Variants in PCLO observed in about 807,000 individuals in gnomAD.
PCLO encodes the protein protein piccolo.
A neutral mutation model predicts 427.5 loss-of-function variants in PCLO; 82 were observed. That is an observed-to-expected ratio of 0.19 (90% CI 0.16 to 0.23). The LOEUF is 0.23. Ranked by LOEUF, PCLO falls within the 10% of genes least tolerant of loss-of-function variation. The pLI, the probability that PCLO is intolerant of heterozygous loss-of-function variation, is 1.00. For missense variants in PCLO, 6,239 were observed against 6,115.9 expected, an observed-to-expected ratio of 1.02 and a Z score of -0.67; for synonymous variants, 2,357 against 2,155.4, an observed-to-expected ratio of 1.09 and a Z score of -2.59.
intron 20 of PCLO, chr7:82,820,941 T>G: frequency 1.2e-5 from 15 of 1,229,486 alleles, no homozygotes; most frequent in Non-Finnish European, 1.5e-5. Context: ...ATTACGGGAC[T>G]GATCTTGGGA....
At chr7:83,118,692 G>A (rs1285445257) in intron 3 of PCLO, among the ~76,000 whole-genome samples, 1 of 152,166 alleles carries the variant, frequency 6.6e-6, no homozygotes, top group Non-Finnish European at 1.5e-5. Context: ...TACTCCAGCA[G>A]TAGGAACTTG....
At chr7:83,107,488 A>G (rs1329729973) in intron 3 of PCLO, among the ~76,000 whole-genome samples, 1 of 97,892 alleles carries the variant, frequency 1.0e-5, no homozygotes, top group Non-Finnish European at 1.9e-5. Flanking sequence ...CAAAATATCT[A>G]TTGTCAATTA....
Position 82,856,905 on chromosome 7 carries a change from C to T in PCLO, c.13655-9658G>A, listed in dbSNP as rs150705650. Among the ~76,000 whole-genome samples the T allele has an allele frequency of 4.0e-4, 61 of 152,054 alleles. No homozygotes were observed. In the East Asian group the frequency reaches 0.01, roughly 26 times the overall value. ...CCAAGCCCTAATGGATGGATTAATG[C>T]CATTATTTCAGGAGTGGGTTAGTTA... On this transcript the variant is annotated intron_variant, in intron 10 of 24. Coordinates refer to ENST00000333891, the MANE Select transcript of PCLO (RefSeq NM_033026.6).
chr7:82,944,376 T>G (rs1197963439), intron 6 of PCLO, among the ~76,000 whole-genome samples: 2 of 152,034 alleles, frequency 1.3e-5, no homozygotes, highest in African/African-American at 4.8e-5. Flanking sequence ...CAGGTATCTT[T>G]CTGGACACTG....
At position 83,155,312 on chromosome 7, in the gene PCLO, C is replaced by G. The variant is rs1792251799; in HGVS notation, c.1329G>C (p.Gln443His). 1.9e-6 allele frequency: 3 copies of G among 1,613,848 alleles called. No individual in the cohort carries two copies. The highest frequency in any genetic ancestry group is 2.7e-5 in the African/African-American group (2 of 74,906). The change falls in exon 2 of 25, where the codon CAG (glutamine) becomes CAC (histidine). Residue 443 changes from glutamine (Q) to histidine (H), a missense_variant. Around this residue, in one of 5 missense-constraint regions of PCLO, gnomAD observed 4,677 missense variants for 4,468.4 expected, o/e 1.05. Transcript: ENST00000333891. ...APGPTKTPVQ[Q>H]PGPGKIPAQQ... ...GAGCTGGAATCTTTCCTGGCCCAGG[C>G]TGCTGAACTGGAGTCTTTGTAGGCC...
chr7:82,984,458 G>A (rs1796215626), intron 3 of PCLO, among the ~76,000 whole-genome samples: 1 of 144,490 alleles, frequency 6.9e-6, no homozygotes, highest in Non-Finnish European at 1.5e-5. Flanking sequence ...GTTATGGAAG[G>A]CAGAAGATTC....
chr7:82,849,567 T>C (rs753774814), intron 10 of PCLO, among the ~76,000 whole-genome samples: 1 of 152,194 alleles, frequency 6.6e-6, no homozygotes, highest in Non-Finnish European at 1.5e-5. Flanking sequence ...CTATGAGCCA[T>C]ATTAAAATAA....
At chr7:83,112,589 A>G (rs1199198449) in intron 3 of PCLO, among the ~76,000 whole-genome samples, 1 of 152,184 alleles carries the variant, frequency 6.6e-6, no homozygotes, top group Non-Finnish European at 1.5e-5. Context: ...ATGTCAGTAT[A>G]TTCTTGTTGG....
chr7:82,988,466 T>G (rs1176478201), intron 3 of PCLO, among the ~76,000 whole-genome samples: 1 of 152,234 alleles, frequency 6.6e-6, no homozygotes, highest in East Asian at 1.9e-4. Flanking sequence ...GTTGAGACCA[T>G]ATAATACTCA....
chr7:82,902,291 T>C (rs1002529269), intron 9 of PCLO, among the ~76,000 whole-genome samples: 5 of 151,298 alleles, frequency 3.3e-5, no homozygotes, highest in African/African-American at 9.7e-5. Flanking sequence ...ATGGATGAAA[T>C]TGGAAATCAT....
intron 8 of PCLO, among the ~76,000 whole-genome samples, chr7:82,907,195 C>T (rs528500363): frequency 2.0e-5 from 3 of 151,936 alleles, no homozygotes; most frequent in South Asian, 2.1e-4. Context: ...TCTCAGTGCC[C>T]GTGGAAACAG....
At chr7:83,022,975 G>A (rs1320592140) in intron 3 of PCLO, among the ~76,000 whole-genome samples, 1 of 152,016 alleles carries the variant, frequency 6.6e-6, no homozygotes, top group African/African-American at 2.4e-5. Context: ...ATCTATAAAT[G>A]CATATATCAA....
chr7:83,097,223 A>G (rs1471474836), intron 3 of PCLO, among the ~76,000 whole-genome samples: 4 of 132,232 alleles, frequency 3.0e-5, no homozygotes, highest in Admixed American at 9.7e-5. Flanking sequence ...AATCTTTTTT[A>G]TTATATAAAA....
intron 3 of PCLO, among the ~76,000 whole-genome samples, chr7:83,087,547 C>T (rs532297168): frequency 6.6e-6 from 1 of 151,686 alleles, no homozygotes; most frequent in Non-Finnish European, 1.5e-5. Flanking sequence ...TACTTAGTAG[C>T]CTTGGGAAAT....
In PCLO at chr7:82,796,899, A is replaced by G. The variant is rs912021899; in HGVS notation, c.15007+4619T>C. On this transcript the variant is annotated intron_variant, in intron 22 of 24. Transcript: ENST00000333891. ...CCAAAGTTTTAATATAGTGTTTTGCATATAATAGATACACTCATATATAGC... is the reference window on the plus strand; with the variant it reads ...CCAAAGTTTTAATATAGTGTTTTGCGTATAATAGATACACTCATATATAGC... Among the ~76,000 whole-genome samples, 15 of 151,126 alleles carry G rather than the reference A, an allele frequency of 9.9e-5. 1 individual carries two copies. Among genetic ancestry groups the G allele is most frequent in the Non-Finnish European group, 2.1e-4 (14 of 67,866 alleles).
At chr7:83,064,698 TC>T (rs1202019071) in intron 3 of PCLO, among the ~76,000 whole-genome samples, 5 of 152,014 alleles carry the variant, frequency 3.3e-5, no homozygotes. Flanking sequence ...TTAATGTGTC[TC>T]TGAAAGGACA....
chr7:82,925,956 A>G (rs1252197014), intron 6 of PCLO, among the ~76,000 whole-genome samples: 3 of 151,688 alleles, frequency 2.0e-5, no homozygotes, highest in African/African-American at 7.3e-5. Flanking sequence ...TGGGCTCAAG[A>G]GATCCTCCCA....
chr7:82,853,851 C>T lies in PCLO; in HGVS notation c.13655-6604G>A, dbSNP rs533162364. ...CAAGGGGATTATACTTGCTAGGTGA[C>T]TGCTCTAGTTTTATTTCCATCCTAT... On this transcript the variant is annotated intron_variant, in intron 10 of 24. Transcript: ENST00000333891. 2.1e-4 allele frequency among the ~76,000 whole-genome samples: 32 copies of T among 152,202 alleles called. 1 individual carries two copies. In the South Asian group the frequency reaches 6.4e-3, roughly 31 times the overall value.
rs906782018 is a variant in PCLO, at chr7:83,155,079, G to C, written c.1562C>G (p.Pro521Arg). ...GGGTTTTGTTGAGCCAGGCTGTTGA[G>C]GTGAGGGCTTTGCTGGGCCAGGCTG... ...PQQPGPAKPS[P>R]QQPGSTKPPS... The change falls in exon 2 of 25, where the codon CCT (proline) becomes CGT (arginine). Residue 521 changes from proline (P) to arginine (R), a missense_variant. Pro to Arg is a moderately radical substitution (Grantham distance 103). Around this residue, in one of 5 missense-constraint regions of PCLO, gnomAD observed 4,677 missense variants for 4,468.4 expected, o/e 1.05. Coordinates refer to ENST00000333891, the MANE Select transcript of PCLO (RefSeq NM_033026.6). The C allele has an allele frequency of 6.2e-7, 1 of 1,608,132 alleles. No homozygotes were observed. Among genetic ancestry groups the C allele is most frequent in the Non-Finnish European group, 8.5e-7 (1 of 1,177,648 alleles).
Sources: gnomAD v4.1 joint callset for allele counts (sites outside exome capture counted in the v4.1 genomes callset) on GRCh38, gnomAD v4.1.1 for gene constraint, gnomAD v4.1.1 regional missense constraint, MANE v1.5 for transcripts, NCBI Gene and HGNC (gene_info 2026-07-23, HGNC 2026-07-21) for gene names.